The following AGAP1 variants were observed in gnomAD, a reference collection of about 807,000 sequenced individuals.
The protein encoded by AGAP1 is ArfGAP with GTPase domain, ankyrin repeat and PH domain 1, also known as arf-GAP with GTPase, ANK repeat and PH domain-containing protein 1.
AGAP1 carries 29 observed loss-of-function variants against 105.3 expected under a neutral mutation model. The ratio of observed to expected loss-of-function variants is 0.28; its 90% CI spans 0.21 to 0.38. The LOEUF is 0.38. Ranked by LOEUF, AGAP1 falls within the 10% of genes least tolerant of loss-of-function variation. AGAP1 has a pLI of 1.00. For synonymous variants in AGAP1, 509 were observed against 485.9 expected, an observed-to-expected ratio of 1.05 and a Z score of -0.63; for missense variants, 998 against 1,165.1, an observed-to-expected ratio of 0.86 and a Z score of 2.09.
intron 1 of AGAP1, among the ~76,000 whole-genome samples, chr2:235,528,346 G>GCCCCCCCCCCCCCCCCCC (rs1391272144): frequency 1.4e-5 from 2 of 147,702 alleles, no homozygotes; most frequent in Admixed American, 6.9e-5. Flanking sequence ...GTGCACTCAG[G>GCCCCCCCCCCCCCCCCCC]CCCCCTCCCC....
At chr2:236,024,835 T>C (rs1184649037) in intron 13 of AGAP1, among the ~76,000 whole-genome samples, 1 of 152,234 alleles carries the variant, frequency 6.6e-6, no homozygotes, top group Non-Finnish European at 1.5e-5. Context: ...ATTGGGCAGG[T>C]TGATTTCGAC....
intron 1 of AGAP1, among the ~76,000 whole-genome samples, chr2:235,656,955 A>G (rs1241359945): frequency 6.6e-6 from 1 of 152,230 alleles, no homozygotes; most frequent in East Asian, 1.9e-4. Context: ...TTATGATTTA[A>G]TATTTCAGCA....
intron 6 of AGAP1, among the ~76,000 whole-genome samples, chr2:235,785,953 C>A (rs774548616): frequency 2.0e-5 from 3 of 152,258 alleles, no homozygotes; most frequent in Admixed American, 6.5e-5. Context: ...CTTTGCCTGG[C>A]GTGGAAGAGT....
intron 1 of AGAP1, among the ~76,000 whole-genome samples, chr2:235,543,414 T>C (rs1292016676): frequency 1.3e-5 from 2 of 152,170 alleles, no homozygotes; most frequent in Non-Finnish European, 2.9e-5. Flanking sequence ...TGATGGGCTG[T>C]GTCCCCGTGT....
intron 9 of AGAP1, among the ~76,000 whole-genome samples, chr2:235,822,343 A>C (rs1296523254): frequency 6.6e-6 from 1 of 152,224 alleles, no homozygotes; most frequent in Non-Finnish European, 1.5e-5. Flanking sequence ...TACTTAAAGA[A>C]GACCTGGGGA....
At chr2:235,757,713 G>C (rs1400451741) in intron 6 of AGAP1, among the ~76,000 whole-genome samples, 1 of 152,196 alleles carries the variant, frequency 6.6e-6, no homozygotes, top group Non-Finnish European at 1.5e-5. Context: ...GGTTGTGCGG[G>C]AAGTCAGGGA....
chr2:235,966,057 G>A (rs555612349), intron 12 of AGAP1, among the ~76,000 whole-genome samples: 32 of 150,244 alleles, frequency 2.1e-4, no homozygotes, highest in African/African-American at 7.9e-4. Flanking sequence ...ATGGAGGAGA[G>A]GGGAGCCCGT....
rs1404685797 is a variant in AGAP1, at chr2:235,989,873, G to T, written c.1645+21250G>T. Among the ~76,000 whole-genome samples, 3 of 152,182 alleles carry T rather than the reference G, an allele frequency of 2.0e-5. No individual in the cohort carries two copies. In the East Asian group the frequency reaches 5.8e-4, roughly 29 times the overall value. On this transcript the variant is annotated intron_variant, in intron 13 of 17. Coordinates refer to ENST00000304032, the MANE Select transcript of AGAP1 (RefSeq NM_001037131.3). The surrounding 1 kb of genome is among the most constrained non-coding windows in gnomAD (Gnocchi z 4.4). ...TCCATGCGTCTTCCTTTTGCCCACAGGAGAAGAGATGAAAGAGAGGGGAGG... is the reference window on the plus strand; with the variant it reads ...TCCATGCGTCTTCCTTTTGCCCACATGAGAAGAGATGAAAGAGAGGGGAGG...
At chr2:235,767,229 G>A (rs1424895834) in intron 6 of AGAP1, among the ~76,000 whole-genome samples, 4 of 151,940 alleles carry the variant, frequency 2.6e-5, no homozygotes, top group African/African-American at 9.7e-5. Context: ...TCTTTATAGA[G>A]TATAATAAAT....
At chr2:236,099,227 C>T (rs766370020) in intron 16 of AGAP1, among the ~76,000 whole-genome samples, 8 of 151,754 alleles carry the variant, frequency 5.3e-5, no homozygotes, top group Non-Finnish European at 2.9e-5. Flanking sequence ...CCGAGGGAGG[C>T]GGATCATGAG....
chr2:236,010,930 C>G (rs2056488934), intron 13 of AGAP1, among the ~76,000 whole-genome samples: 1 of 152,066 alleles, frequency 6.6e-6, no homozygotes, highest in Admixed American at 6.6e-5. Flanking sequence ...ACTCGTGGTC[C>G]CAGCTACTCG....
rs1559231785 is a variant in AGAP1, at chr2:235,536,672, CACACA to C, written c.163+41824_163+41828del. On this transcript the variant is annotated intron_variant, in intron 1 of 17. Transcript: ENST00000304032. ...ACACACACACACACACACACACACA[CACACA>C]CCCCTTGCTTATGTCCTCCACCCGT... Among the ~76,000 whole-genome samples, 315 of 139,768 alleles carry C rather than the reference CACACA, an allele frequency of 2.3e-3. 3 individuals are homozygous for C. Among genetic ancestry groups the C allele is most frequent in the Middle Eastern group, 9.7e-3 (2 of 206 alleles). 91.7% of individuals were successfully genotyped at this position (139,768 alleles called of 152,430 possible).
intron 1 of AGAP1, among the ~76,000 whole-genome samples, chr2:235,605,232 A>G (rs1371916339): frequency 6.6e-6 from 1 of 152,224 alleles, no homozygotes; most frequent in Non-Finnish European, 1.5e-5. Context: ...GGTAATAAGT[A>G]ATAAATAATA....
At chr2:235,763,200 A>C (rs1954618837) in intron 6 of AGAP1, among the ~76,000 whole-genome samples, 1 of 152,184 alleles carries the variant, frequency 6.6e-6, no homozygotes. Flanking sequence ...ATGCTCCAAA[A>C]TCCGAAATGT....
rs1331650748 is a variant in AGAP1, at chr2:235,556,896, A to T, written c.163+62047A>T. Among the ~76,000 whole-genome samples the T allele has an allele frequency of 6.6e-6, 1 of 152,144 alleles. No homozygotes were observed. On this transcript the variant is annotated intron_variant, in intron 1 of 17. Coordinates refer to ENST00000304032, the MANE Select transcript of AGAP1 (RefSeq NM_001037131.3). This position sits in a 1 kb window ranked among gnomAD's most constrained non-coding sequence, Gnocchi z 5.3. ...TGTGGTCTTTTGCTCTTCATTGGCAATGTAGAAGTCAAGTTTGAACTGAGG... is the reference window on the plus strand; with the variant it reads ...TGTGGTCTTTTGCTCTTCATTGGCATTGTAGAAGTCAAGTTTGAACTGAGG...
rs1243576120 is a variant in AGAP1 at position 235,734,797 on chromosome 2, C to G, written c.311-6166C>G. On this transcript the variant is annotated intron_variant, in intron 3 of 17. Transcript: ENST00000304032. The surrounding 1 kb of genome is among the most constrained non-coding windows in gnomAD (Gnocchi z 5.3). ...CCGGCTTTGTTTCTGTAGGGCTTGT[C>G]TTAGCAGAAGTTCACATGGAAGAGA... is the stretch of plus-strand genomic sequence containing the variant. Among the ~76,000 whole-genome samples, 4 of 152,222 alleles carry G rather than the reference C, an allele frequency of 2.6e-5. No individual in the cohort carries two copies. The highest frequency in any genetic ancestry group is 5.9e-5 in the Non-Finnish European group (4 of 68,042).
At chr2:235,579,895 C>T (rs910987338) in intron 1 of AGAP1, among the ~76,000 whole-genome samples, 1 of 152,226 alleles carries the variant, frequency 6.6e-6, no homozygotes, top group African/African-American at 2.4e-5. Context: ...TGTTCTTCAG[C>T]AGTCATTGCC....
In AGAP1 at chr2:235,725,331, C is replaced by T. The variant is rs560274472; in HGVS notation, c.310+7687C>T. Among the ~76,000 whole-genome samples the T allele has an allele frequency of 5.3e-5, 8 of 152,194 alleles. No individual in the cohort carries two copies. The highest frequency in any genetic ancestry group is 8.8e-5 in the Non-Finnish European group (6 of 68,004). On this transcript the variant is annotated intron_variant, in intron 3 of 17. Coordinates refer to ENST00000304032, the MANE Select transcript of AGAP1 (RefSeq NM_001037131.3). The surrounding 1 kb of genome is among the most constrained non-coding windows in gnomAD (Gnocchi z 5.7). ...TTTACTTAGTTTCTTAGAAACAAAACGTGGTAAACACCCAGTCTTATTTTC... is the reference window on the plus strand; with the variant it reads ...TTTACTTAGTTTCTTAGAAACAAAATGTGGTAAACACCCAGTCTTATTTTC...
At chr2:235,558,144 G>A (rs1012669156) in intron 1 of AGAP1, among the ~76,000 whole-genome samples, 1 of 152,158 alleles carries the variant, frequency 6.6e-6, no homozygotes, top group African/African-American at 2.4e-5. Flanking sequence ...GCCTGGCCCC[G>A]CAGGGTATGC....
Sources: gnomAD v4.1 joint callset for allele counts (sites outside exome capture counted in the v4.1 genomes callset) on GRCh38, gnomAD v4.1.1 for gene constraint, Gnocchi (gnomAD v3.1) non-coding constraint, MANE v1.5 for transcripts, NCBI Gene and HGNC (gene_info 2026-07-23, HGNC 2026-07-21) for gene names.